MDH2: variants seen among roughly 807,000 people sequenced by gnomAD.
MDH2 encodes the protein malate dehydrogenase 2.
Under a neutral mutation model 33.6 loss-of-function variants are expected in MDH2, and 25 were observed. That is an observed-to-expected ratio of 0.74 (90% CI 0.54 to 1.04). The LOEUF is 1.04. Ranked by LOEUF, MDH2 falls within the 50% of genes least tolerant of loss-of-function variation. The pLI is 0.00. For synonymous variants in MDH2, 193 were observed against 188.7 expected (o/e 1.02, Z -0.19); for missense variants, 432 against 445.0 (o/e 0.97, Z 0.26).
rs1459828855 is a variant in MDH2, at chr7:76,066,970, T to A, written c.*560T>A. ...TACTGACCTCTGTCCCCCTTGGGAT[T>A]TCATCTTCTGACCGAACCCTGATGT... On this transcript the variant is annotated 3_prime_UTR_variant, in exon 9 of 9. Transcript: ENST00000315758. The A allele has an allele frequency of 6.6e-6, 1 of 152,240 alleles. No individual in the cohort carries two copies. The highest frequency in any genetic ancestry group is 1.9e-4 in the East Asian group (1 of 5,188). 9.4% of individuals were successfully genotyped at this position (152,240 alleles called of 1,614,324 possible).
rs959885747 is a variant in MDH2, at chr7:76,063,630, G to A, written c.633+38G>A. On this transcript the variant is annotated intron_variant, in intron 6 of 8. Coordinates refer to ENST00000315758, the MANE Select transcript of MDH2 (RefSeq NM_005918.4). ...GACCCTGTGAGGGGCTTCGAGGTCA[G>A]GATTCCCTTTACCAGGCCCTGCTTT... 3.8e-6 allele frequency: 6 copies of A among 1,592,468 alleles called. No homozygotes were observed. The African/African-American group carries it at 8.1e-5, about 21-fold the overall frequency.
intron 1 of MDH2, among the ~76,000 whole-genome samples, chr7:76,049,412 A>T (rs1278174095): frequency 6.6e-6 from 1 of 152,164 alleles, no homozygotes; most frequent in Non-Finnish European, 1.5e-5. Context: ...TGCAGGGGAT[A>T]CCAAGATAAG....
chr7:76,057,434 C>G lies in MDH2; in HGVS notation c.260C>G (p.Pro87Arg). Residue 87 changes from proline (P) to arginine (R), a missense_variant, in exon 3 of 9, where the codon CCT becomes CGT. Transcript: ENST00000315758. ...VKGYLGPEQL[P>R]DCLKGCDVVV... ...GGCTACCTCGGACCTGAACAGCTGC[C>G]TGACTGCCTGAAAGGTTGTGATGTG... 1 of 1,614,142 alleles carries G rather than the reference C, an allele frequency of 6.2e-7. No individual in the cohort carries two copies. The highest frequency in any genetic ancestry group is 1.1e-5 in the South Asian group (1 of 91,080).
In MDH2 at chr7:76,054,831, A is replaced by G; in HGVS notation, c.68A>G (p.Asn23Ser). 1 of 1,613,944 alleles carries G rather than the reference A, an allele frequency of 6.2e-7. No homozygotes were observed. The highest frequency in any genetic ancestry group is 8.5e-7 in the Non-Finnish European group (1 of 1,179,938). Residue 23 changes from asparagine (N) to serine (S), a missense_variant and splice_region_variant, in exon 2 of 9, where the codon AAC (asparagine) becomes AGC (serine). Coordinates refer to ENST00000315758, the MANE Select transcript of MDH2 (RefSeq NM_005918.4). Reference sequence around the variant, plus strand: ...TCCTTTCTCTGTGCCTCTTTTTAGAACAATGCTAAAGTAGCTGTGCTAGGG... The same window carrying G: ...TCCTTTCTCTGTGCCTCTTTTTAGAGCAATGCTAAAGTAGCTGTGCTAGGG... ...LRRSFSTSAQ[N>S]NAKVAVLGAS...
At chr7:76,063,985 T>TAGC (rs1350603863) in intron 6 of MDH2, among the ~76,000 whole-genome samples, 1 of 152,026 alleles carries the variant, frequency 6.6e-6, no homozygotes, top group Non-Finnish European at 1.5e-5. Flanking sequence ...CAGCGAGCTA[T>TAGC]GATGCACCAC....
chr7:76,048,317 G>C (rs1797395342), intron 1 of MDH2, 91 bp downstream of exon 1: 1 of 1,463,050 alleles, frequency 6.8e-7, no homozygotes, highest in Admixed American at 2.3e-5. Context: ...ACCCTCTCCA[G>C]GCCAGCCTGG....
chr7:76,060,528 A>G, intron 5 of MDH2, 30 bp downstream of exon 5: 1 of 1,609,946 alleles, frequency 6.2e-7, no homozygotes, highest in Middle Eastern at 1.7e-4. Flanking sequence ...TGCTCAGGTG[A>G]CCTTTCTGAA....
intron 1 of MDH2, among the ~76,000 whole-genome samples, chr7:76,051,166 T>C (rs1252775496): frequency 6.6e-6 from 1 of 152,112 alleles, no homozygotes; most frequent in Non-Finnish European, 1.5e-5. Context: ...ATTATAGACG[T>C]GAGCCACCAC....
At chr7:76,049,603 G>C (rs1166205962) in intron 1 of MDH2, among the ~76,000 whole-genome samples, 1 of 152,054 alleles carries the variant, frequency 6.6e-6, no homozygotes, top group African/African-American at 2.4e-5. Flanking sequence ...GAGAGGACAG[G>C]GGTGTCCAGG....
chr7:76,053,901 G>A (rs144260059), intron 1 of MDH2, among the ~76,000 whole-genome samples: 115 of 152,232 alleles, frequency 7.6e-4, no homozygotes, highest in African/African-American at 2.7e-3. Context: ...TGCTGGATGC[G>A]GGGCCGGGTC....
chr7:76,066,422 G>A lies in MDH2; in HGVS notation c.*12G>A, dbSNP rs1426273611. On this transcript the variant is annotated 3_prime_UTR_variant, in exon 9 of 9. Transcript: ENST00000315758. The stretch of plus-strand genomic sequence containing the variant: ...AGACCCTGAAGTGAGCCGCTGTGAC[G>A]GGTGGCCAGTTTCCTTAATTTATGA... 17 of 1,598,134 alleles carry A rather than the reference G, an allele frequency of 1.1e-5. No individual in the cohort carries two copies. The East Asian group carries it at 1.6e-4, about 15-fold the overall frequency.
intron 6 of MDH2, 128 bp downstream of exon 6, chr7:76,063,720 T>G: frequency 1.2e-6 from 1 of 867,830 alleles, no homozygotes; most frequent in Non-Finnish European, 1.9e-6. Context: ...GCTCCTGTTG[T>G]AGGCAGCCCC....
chr7:76,060,043 G>C (rs1423075398), intron 4 of MDH2, among the ~76,000 whole-genome samples: 14 of 152,172 alleles, frequency 9.2e-5, no homozygotes, highest in African/African-American at 3.4e-4. Flanking sequence ...GTGCACTGCT[G>C]TCCCATCAGG....
At chr7:76,059,868 G>A (rs1177947915) in intron 4 of MDH2, among the ~76,000 whole-genome samples, 5 of 152,160 alleles carry the variant, frequency 3.3e-5, no homozygotes, top group South Asian at 2.1e-4. Flanking sequence ...TTCAGCACTC[G>A]CCGTGTGTGA....
chr7:76,060,611 G>A, intron 5 of MDH2, 113 bp downstream of exon 5: 1 of 1,470,484 alleles, frequency 6.8e-7, no homozygotes. Context: ...TGTCACTTTG[G>A]GGTTTTAAAT....
chr7:76,050,061 C>T (rs1445973832), intron 1 of MDH2, among the ~76,000 whole-genome samples: 5 of 150,976 alleles, frequency 3.3e-5, no homozygotes, highest in Non-Finnish European at 7.4e-5. Flanking sequence ...TGACAGAGTC[C>T]CACTCTGTTG....
chr7:76,048,616 C>T (rs999110520), intron 1 of MDH2: 6 of 1,280,142 alleles, frequency 4.7e-6, no homozygotes, highest in African/African-American at 4.6e-5. Flanking sequence ...TTGCAGCATC[C>T]GTGTGAGTTG....
intron 4 of MDH2, among the ~76,000 whole-genome samples, chr7:76,060,118 T>G (rs546687267): frequency 6.6e-6 from 1 of 152,246 alleles, no homozygotes; most frequent in South Asian, 2.1e-4. Context: ...CATCACACAT[T>G]TCAGTTGATA....
chr7:76,058,089 C>G lies in MDH2; in HGVS notation c.429+11C>G. On this transcript the variant is annotated intron_variant, in intron 4 of 8. Coordinates refer to ENST00000315758, the MANE Select transcript of MDH2 (RefSeq NM_005918.4). The stretch of plus-strand genomic sequence containing the variant: ...GTCATTGCCAATCCGGTGAGTGTGG[C>G]AGCACCCGGCTCTTGCAGCTATGGC... 6.2e-7 allele frequency: 1 copy of G among 1,607,652 alleles called. No individual in the cohort carries two copies. Among genetic ancestry groups the G allele is most frequent in the Non-Finnish European group, 8.5e-7 (1 of 1,176,726 alleles).
Sources: allele counts gnomAD v4.1 joint callset (sites outside exome capture counted in the v4.1 genomes callset), GRCh38; gene constraint gnomAD v4.1.1; transcripts MANE v1.5; gene names NCBI Gene and HGNC (gene_info 2026-07-23, HGNC 2026-07-21).